Variants in NKAIN3 observed in about 807,000 individuals in gnomAD.
NKAIN3 encodes sodium/potassium-transporting ATPase subunit beta-1-interacting protein 3.
In NKAIN3, 25 loss-of-function variants were observed where a neutral mutation model predicts 30.2. The observed-to-expected ratio is 0.83, with a 90% CI of 0.60 to 1.16. The LOEUF (loss-of-function observed/expected upper bound fraction) is 1.16. Ranked by LOEUF, NKAIN3 falls within the 50% of genes most tolerant of loss-of-function variation. The probability of loss-of-function intolerance (pLI) is 0.00; values close to 1 mark genes in which losing one functional copy is unlikely to be tolerated. For missense variants in NKAIN3, 225 were observed against 254.1 expected (o/e 0.89, Z 0.78); for synonymous variants, 91 against 89.6 (o/e 1.02, Z -0.09).
chr8:62,863,569 G>A (rs1820322711), intron 4 of NKAIN3: 1 of 1,174,476 alleles, frequency 8.5e-7, no homozygotes, highest in Non-Finnish European at 1.3e-6. Context: ...CCAAGACCAT[G>A]CAGACATGTA....
In NKAIN3 at chr8:62,343,534, A is replaced by G. The variant is rs187489224; in HGVS notation, c.54+94407A>G. 7.2e-5 allele frequency among the ~76,000 whole-genome samples: 11 copies of G among 152,184 alleles called. No individual in the cohort carries two copies. The East Asian group carries it at 1.9e-3, about 27-fold the overall frequency. ...TGTTTAAAAATGTATTCTTTGCTGG[A>G]CACAGTGGCACACACCTGGAATCTC... On this transcript the variant is annotated intron_variant, in intron 1 of 6. Coordinates refer to ENST00000623646, the MANE Select transcript of NKAIN3 (RefSeq NM_001304533.3).
chr8:62,555,556 T>C (rs1282913913), intron 1 of NKAIN3, among the ~76,000 whole-genome samples: 1 of 152,016 alleles, frequency 6.6e-6, no homozygotes, highest in Non-Finnish European at 1.5e-5. Flanking sequence ...ATTTAGAAAG[T>C]ATAGGCAATT....
chr8:62,843,562 T>C (rs1819591463), intron 4 of NKAIN3, among the ~76,000 whole-genome samples: 1 of 152,004 alleles, frequency 6.6e-6, no homozygotes, highest in Admixed American at 6.6e-5. Context: ...CTCAAACCCC[T>C]GACCTCAAGT....
At chr8:62,394,145 A>G (rs987183520) in intron 1 of NKAIN3, among the ~76,000 whole-genome samples, 2 of 152,184 alleles carry the variant, frequency 1.3e-5, no homozygotes, top group African/African-American at 4.8e-5. Context: ...CAATTTCAGG[A>G]GAAAACATTC....
At chr8:62,881,073 T>C (rs1820964206) in intron 4 of NKAIN3, among the ~76,000 whole-genome samples, 1 of 152,098 alleles carries the variant, frequency 6.6e-6, no homozygotes, top group Admixed American at 6.5e-5. Flanking sequence ...TGCATCAGAG[T>C]GTTACATTTA....
At chr8:62,865,430 T>A (rs1820386979) in intron 4 of NKAIN3, among the ~76,000 whole-genome samples, 1 of 152,162 alleles carries the variant, frequency 6.6e-6, no homozygotes, top group Admixed American at 6.5e-5. Context: ...GACATTTATT[T>A]TGCTTTGAAG....
intron 3 of NKAIN3, among the ~76,000 whole-genome samples, chr8:62,746,325 T>A (rs1816069320): frequency 6.6e-6 from 1 of 152,210 alleles, no homozygotes; most frequent in Non-Finnish European, 1.5e-5. Context: ...ACTCAGATAG[T>A]CCATGATCAT....
At chr8:62,406,499 A>T (rs1334521305) in intron 1 of NKAIN3, among the ~76,000 whole-genome samples, 1 of 152,178 alleles carries the variant, frequency 6.6e-6, no homozygotes, top group Non-Finnish European at 1.5e-5. Flanking sequence ...TACTTTAGTC[A>T]CTTTTATTTT....
At chr8:62,874,801 T>A (rs1041763605) in intron 4 of NKAIN3, among the ~76,000 whole-genome samples, 2 of 152,202 alleles carry the variant, frequency 1.3e-5, no homozygotes, top group African/African-American at 4.8e-5. Flanking sequence ...AAACTAGGTA[T>A]TGATGGAATA....
intron 1 of NKAIN3, among the ~76,000 whole-genome samples, chr8:62,334,806 T>G (rs1585692580): frequency 6.6e-6 from 1 of 151,924 alleles, no homozygotes; most frequent in Non-Finnish European, 1.5e-5. Context: ...TGAAAAATGG[T>G]TTTGTTCATA....
intron 1 of NKAIN3, among the ~76,000 whole-genome samples, chr8:62,385,296 G>T (rs543197531): frequency 6.6e-6 from 1 of 152,110 alleles, no homozygotes; most frequent in Non-Finnish European, 1.5e-5. Context: ...TAACCCTGGA[G>T]GGTACAACTC....
chr8:62,546,294 G>A (rs1331680601), intron 1 of NKAIN3, among the ~76,000 whole-genome samples: 3 of 152,160 alleles, frequency 2.0e-5, no homozygotes, highest in African/African-American at 7.2e-5. Context: ...TGATATTAGA[G>A]TAGATATAAG....
At chr8:62,346,449 T>C (rs1816010030) in intron 1 of NKAIN3, among the ~76,000 whole-genome samples, 1 of 152,112 alleles carries the variant, frequency 6.6e-6, no homozygotes. Flanking sequence ...TTTCAATGAT[T>C]TGTAGACCTT....
intron 1 of NKAIN3, among the ~76,000 whole-genome samples, chr8:62,344,159 C>G (rs4317558): frequency 0.04 from 6,123 of 151,936 alleles, 179 homozygotes; most frequent in Middle Eastern, 0.11. Flanking sequence ...TGGAGCTGGA[C>G]TTTGATGGAC....
At chr8:62,743,340 A>G (rs1358124151) in intron 3 of NKAIN3, among the ~76,000 whole-genome samples, 2 of 152,238 alleles carry the variant, frequency 1.3e-5, no homozygotes, top group East Asian at 1.9e-4. Context: ...GAAATCAGAC[A>G]CAAACTTTAG....
intron 1 of NKAIN3, among the ~76,000 whole-genome samples, chr8:62,310,615 C>T (rs1267086853): frequency 4.0e-5 from 6 of 150,066 alleles, no homozygotes; most frequent in Non-Finnish European, 8.8e-5. Context: ...CCATAAGATT[C>T]GAAAGTGTAA....
chr8:62,564,801 C>T (rs889016471), intron 1 of NKAIN3, among the ~76,000 whole-genome samples: 6 of 152,130 alleles, frequency 3.9e-5, no homozygotes, highest in African/African-American at 7.2e-5. Flanking sequence ...GACACACAAA[C>T]CCACACACAC....
At chr8:62,310,194 G>T (rs78927546) in intron 1 of NKAIN3, among the ~76,000 whole-genome samples, 4,906 of 150,220 alleles carry the variant, frequency 0.033, 652 homozygotes, top group African/African-American at 0.11. Flanking sequence ...AGGAAAACTT[G>T]AAGTGAAACT....
chr8:62,812,839 T>G (rs1229437431), intron 4 of NKAIN3, among the ~76,000 whole-genome samples: 2 of 151,932 alleles, frequency 1.3e-5, no homozygotes, highest in African/African-American at 4.8e-5. Flanking sequence ...TCTTAGAGTT[T>G]TTGTTCTACC....
Sources: gnomAD v4.1 joint callset for allele counts (sites outside exome capture counted in the v4.1 genomes callset) on GRCh38, gnomAD v4.1.1 for gene constraint, MANE v1.5 for transcripts, NCBI Gene and HGNC (gene_info 2026-07-23, HGNC 2026-07-21) for gene names.